The following FABP2 variants were observed in gnomAD, a reference collection of about 807,000 sequenced individuals.
FABP2 encodes fatty acid-binding protein, intestinal.
In FABP2, 11 loss-of-function variants were observed where a neutral mutation model predicts 16.1. The ratio of observed to expected loss-of-function variants is 0.68; its 90% confidence interval spans 0.43 to 1.13. The LOEUF (loss-of-function observed/expected upper bound fraction) is 1.13, where lower values mean the gene tolerates loss of function less well. FABP2 is among the 50% of genes most tolerant of loss of function. The probability of loss-of-function intolerance (pLI) is 0.00; values close to 1 mark genes in which losing one functional copy is unlikely to be tolerated. For missense variants in FABP2, 146 were observed against 155.1 expected (o/e 0.94, Z 0.31); for synonymous variants, 45 against 50.9 (o/e 0.88, Z 0.49).
Position 119,318,223 on chromosome 4 carries a change from A to C in FABP2, c.*818T>G, listed in dbSNP as rs1755610947. ...GCCCCCAGGGAAGAGAGCTGAGAGG[A>C]TATCTATCAAAATCAGAATGGCAAT... On this transcript the variant is annotated 3_prime_UTR_variant, in exon 4 of 4. Coordinates refer to ENST00000274024, the MANE Select transcript of FABP2 (RefSeq NM_000134.4). The C allele has an allele frequency of 6.6e-6, 1 of 152,120 alleles. No individual in the cohort carries two copies. The highest frequency in any genetic ancestry group is 6.6e-5 in the Admixed American group (1 of 15,262). The allele number at this position is 152,120 out of a possible 1,614,324, so 9.4% of individuals were successfully genotyped here. A position where few individuals can be genotyped will look rare whatever the true frequency, so the allele number is the denominator to read the frequency against.
rs756398299 is a variant in FABP2, at chr4:119,320,779, T to A, written c.131A>T (p.Glu44Val). The A allele has an allele frequency of 1.9e-6, 3 of 1,605,814 alleles. No individual in the cohort carries two copies. Among genetic ancestry groups the A allele is most frequent in the Non-Finnish European group, 2.5e-6 (3 of 1,177,260 alleles). The change falls in exon 2 of 4, where the codon GAA becomes GTA. Residue 44 changes from glutamate (E) to valine (V), a missense_variant. By Grantham distance (121) the Glu-to-Val change is moderately radical (BLOSUM62 -2). Transcript: ENST00000274024. The part of the protein sequence containing the change: ...HDNLKLTITQ[E>V]GNKFTVKESS... ...TTCTTTGACTGTGAATTTATTTCCT[T>A]CTTGTGTAATTGTCAGCTTCAAATT... is the stretch of plus-strand genomic sequence containing the variant.
At chr4:119,321,720 C>T (rs1285970032) in intron 1 of FABP2, among the ~76,000 whole-genome samples, 1 of 152,108 alleles carries the variant, frequency 6.6e-6, no homozygotes, top group Non-Finnish European at 1.5e-5. Context: ...TATCATTACA[C>T]GCTGCCATTT....
chr4:119,321,910 T>G, intron 1 of FABP2, 126 bp downstream of exon 1: 1 of 691,178 alleles, frequency 1.4e-6, no homozygotes, highest in Non-Finnish European at 2.5e-6. Flanking sequence ...GAACATCTTC[T>G]GGATCCTCTC....
rs572213654 is a variant in FABP2, at chr4:119,318,785, T to C, written c.*256A>G. 2 of 358,388 alleles carry C rather than the reference T, an allele frequency of 5.6e-6. No homozygotes were observed. The highest frequency in any genetic ancestry group is 4.8e-5 in the South Asian group (1 of 21,008). 22.2% of individuals were successfully genotyped at this position (358,388 alleles called of 1,614,324 possible). A position where few individuals can be genotyped will look rare whatever the true frequency, so the allele number is the denominator to read the frequency against. On this transcript the variant is annotated 3_prime_UTR_variant, in exon 4 of 4. Coordinates refer to ENST00000274024, the MANE Select transcript of FABP2 (RefSeq NM_000134.4). The stretch of plus-strand genomic sequence containing the variant: ...AGGCAAGGCTACATATAAAGCAACA[T>C]GGACGCAATATTTATTTTTGTTTTT...
chr4:119,318,952 T>C lies in FABP2; in HGVS notation c.*89A>G. On this transcript the variant is annotated 3_prime_UTR_variant, in exon 4 of 4. Transcript: ENST00000274024. ...TAAAAGGACCAATCAATCAGTAACC[T>C]TATACTTGATGGGGTGAAATAAATA... 2 of 1,042,010 alleles carry C rather than the reference T, an allele frequency of 1.9e-6. No individual in the cohort carries two copies. The highest frequency in any genetic ancestry group is 1.4e-6 in the Non-Finnish European group (1 of 697,990). 64.5% of individuals were successfully genotyped at this position (1,042,010 alleles called of 1,614,324 possible).
At chr4:119,320,508 G>A (rs1755648251) in intron 2 of FABP2, among the ~76,000 whole-genome samples, 162 bp downstream of exon 2, 1 of 151,940 alleles carries the variant, frequency 6.6e-6, no homozygotes, top group African/African-American at 2.4e-5. Flanking sequence ...TAAATATCCT[G>A]CCAATTTGTG....
chr4:119,322,073 G>T lies in FABP2; in HGVS notation c.30C>A (p.Asp10Glu). The change falls in exon 1 of 4, where the codon GAC (aspartate) becomes GAA (glutamate). Residue 10 changes from aspartate (D) to glutamate (E), a missense_variant. Physicochemically the swap from Asp to Glu is conservative, Grantham distance 45 (BLOSUM62 2). Coordinates refer to ENST00000274024, the MANE Select transcript of FABP2 (RefSeq NM_000134.4). Reference sequence around the variant, plus strand: ...TGAACTTGTCATAGTTTTCACTCCGGTCTACCTTCCAAGTGCTGTCAAACG... The same window carrying T: ...TGAACTTGTCATAGTTTTCACTCCGTTCTACCTTCCAAGTGCTGTCAAACG... MAFDSTWKV[D>E]RSENYDKFME... The T allele has an allele frequency of 6.2e-7, 1 of 1,613,292 alleles. No individual in the cohort carries two copies. Among genetic ancestry groups the T allele is most frequent in the Non-Finnish European group, 8.5e-7 (1 of 1,179,624 alleles).
In FABP2 at chr4:119,320,734, A is replaced by G. The variant is rs376304732; in HGVS notation, c.176T>C (p.Ile59Thr). ...GACACCAAGTTCAAAAACAACTTCA[A>G]TGTTTCGAAAAGTGCTTGATTCTTT... ...TVKESSTFRN[I>T]EVVFELGVTF... Residue 59 changes from isoleucine to threonine, a missense_variant, in exon 2 of 4, where the codon ATT becomes ACT. Transcript: ENST00000274024. 49 of 1,605,696 alleles carry G rather than the reference A, an allele frequency of 3.1e-5. No individual in the cohort carries two copies. The highest frequency in any genetic ancestry group is 1.1e-4 in the East Asian group (5 of 44,382).
Position 119,320,823 on chromosome 4 carries a change from C to T in FABP2, c.87G>A (p.Arg29=). ...TCAAATTGTCATGAGCTGCAAGCTT[C>T]CTTTTCACTATATTAACACCTGTAA... The part of the protein sequence containing the change: ...MEKMGVNIVK[R]KLAAHDNLKL... The change falls in exon 2 of 4, where the codon AGG becomes AGA. Residue 29 remains arginine, a synonymous_variant. Coordinates refer to ENST00000274024, the MANE Select transcript of FABP2 (RefSeq NM_000134.4). 1 of 1,593,602 alleles carries T rather than the reference C, an allele frequency of 6.3e-7. No homozygotes were observed. The highest frequency in any genetic ancestry group is 1.4e-5 in the African/African-American group (1 of 73,246).
chr4:119,318,004 G>A lies in FABP2; in HGVS notation c.*1037C>T, dbSNP rs1488856918. ...TTCTAGAATTCTTGGTTCTATTAGC[G>A]ATTCTGATATAATAGAATAACAGTG... On this transcript the variant is annotated 3_prime_UTR_variant, in exon 4 of 4. Transcript: ENST00000274024. 4 of 152,044 alleles carry A rather than the reference G, an allele frequency of 2.6e-5. No homozygotes were observed. Among genetic ancestry groups the A allele is most frequent in the Admixed American group, 6.6e-5 (1 of 15,242 alleles). The allele number at this position is 152,044 out of a possible 1,614,324, so 9.4% of individuals were successfully genotyped here. A position where few individuals can be genotyped will look rare whatever the true frequency, so the allele number is the denominator to read the frequency against.
chr4:119,320,753 A>G lies in FABP2; in HGVS notation c.157T>C (p.Ser53Pro). Residue 53 changes from serine (S) to proline (P), a missense_variant, in exon 2 of 4, where the codon TCA becomes CCA. Physicochemically the swap from Ser to Pro is moderately conservative, Grantham distance 74. Transcript: ENST00000274024. ...ACTTCAATGTTTCGAAAAGTGCTTG[A>G]TTCTTTGACTGTGAATTTATTTCCT... The part of the protein sequence containing the change: ...QEGNKFTVKE[S>P]STFRNIEVVF... 1 of 1,606,280 alleles carries G rather than the reference A, an allele frequency of 6.2e-7. No homozygotes were observed. The highest frequency in any genetic ancestry group is 8.5e-7 in the Non-Finnish European group (1 of 1,177,350).
intron 1 of FABP2, 112 bp downstream of exon 1, chr4:119,321,924 C>A: frequency 1.3e-6 from 1 of 792,608 alleles, no homozygotes; most frequent in South Asian, 1.8e-5. Context: ...TCCTCTCTAC[C>A]ACATCAGGAG....
rs975812090 is a variant in FABP2 at position 119,317,298 on chromosome 4, T to C, written c.*1743A>G. 1.3e-5 allele frequency: 2 copies of C among 152,238 alleles called. No individual in the cohort carries two copies. Among genetic ancestry groups the C allele is most frequent in the Admixed American group, 1.3e-4 (2 of 15,274 alleles). The allele number at this position is 152,238 out of a possible 1,614,324, so 9.4% of individuals were successfully genotyped here. ...AATTTAAGGAGTACAAGTATAGTTT[T>C]GTTACATTGATATATTGCATAGTGG... On this transcript the variant is annotated 3_prime_UTR_variant, in exon 4 of 4. Coordinates refer to ENST00000274024, the MANE Select transcript of FABP2 (RefSeq NM_000134.4).
intron 3 of FABP2, 132 bp from the exon 4 acceptor site, chr4:119,319,223 G>A: frequency 5.1e-6 from 2 of 391,124 alleles, no homozygotes; most frequent in Non-Finnish European, 8.7e-6. Flanking sequence ...TATTATATGA[G>A]TATGAGTTTA....
In FABP2 at chr4:119,320,786, T is replaced by A. The variant is rs1196338331; in HGVS notation, c.124A>T (p.Thr42Ser). ...ACTGTGAATTTATTTCCTTCTTGTGTAATTGTCAGCTTCAAATTGTCATGA... is the reference window on the plus strand; with the variant it reads ...ACTGTGAATTTATTTCCTTCTTGTGAAATTGTCAGCTTCAAATTGTCATGA... ...AAHDNLKLTITQEGNKFTVKE... is the reference protein window; with the variant it reads ...AAHDNLKLTISQEGNKFTVKE... The change falls in exon 2 of 4, where the codon ACA (threonine) becomes TCA (serine). Residue 42 changes from threonine to serine, a missense_variant. Coordinates refer to ENST00000274024, the MANE Select transcript of FABP2 (RefSeq NM_000134.4). 3.7e-6 allele frequency: 6 copies of A among 1,604,880 alleles called. No individual in the cohort carries two copies. Among genetic ancestry groups the A allele is most frequent in the Non-Finnish European group, 5.1e-6 (6 of 1,176,970 alleles).
rs764752804 is a variant in FABP2 at position 119,319,023 on chromosome 4, G to A, written c.*18C>T. Reference sequence around the variant, plus strand: ...TTCTGTCCAATTTGTATTTTGGACTGTGCGCCAAGAATAATGCTCAATCCT... The same window carrying A: ...TTCTGTCCAATTTGTATTTTGGACTATGCGCCAAGAATAATGCTCAATCCT... On this transcript the variant is annotated 3_prime_UTR_variant, in exon 4 of 4. Coordinates refer to ENST00000274024, the MANE Select transcript of FABP2 (RefSeq NM_000134.4). 3.1e-6 allele frequency: 5 copies of A among 1,588,572 alleles called. No individual in the cohort carries two copies. The highest frequency in any genetic ancestry group is 1.1e-5 in the South Asian group (1 of 88,208).
In FABP2 at chr4:119,318,863, A is replaced by G. The variant is rs941947286; in HGVS notation, c.*178T>C. On this transcript the variant is annotated 3_prime_UTR_variant, in exon 4 of 4. Coordinates refer to ENST00000274024, the MANE Select transcript of FABP2 (RefSeq NM_000134.4). ...TATATATCTTAGAGAATATAAAACA[A>G]ATTAAATCCTAATTAGCTTTTACTT... 3 of 467,338 alleles carry G rather than the reference A, an allele frequency of 6.4e-6. No homozygotes were observed. Among genetic ancestry groups the G allele is most frequent in the African/African-American group, 6.2e-5 (3 of 48,574 alleles). The allele number at this position is 467,338 out of a possible 1,614,324, so 28.9% of individuals were successfully genotyped here.
At chr4:119,320,149 G>A (rs1755642437) in intron 2 of FABP2, among the ~76,000 whole-genome samples, 1 of 151,978 alleles carries the variant, frequency 6.6e-6, no homozygotes, top group South Asian at 2.1e-4. Flanking sequence ...AAATGTTGAG[G>A]CTAAAAAAAG....
In FABP2 at chr4:119,320,650, A is replaced by AT; in HGVS notation, c.240+19dup. On this transcript the variant is annotated intron_variant, in intron 2 of 3. Transcript: ENST00000274024. The stretch of plus-strand genomic sequence containing the variant: ...TAGAAAAATCAAGAATGCATTGCTC[A>AT]TAAAAAAAAAAATTCTTACCCTGAG... 2 of 1,538,380 alleles carry AT rather than the reference A, an allele frequency of 1.3e-6. No homozygotes were observed. The highest frequency in any genetic ancestry group is 1.7e-6 in the Non-Finnish European group (2 of 1,148,480).
Sources: gnomAD v4.1 joint callset for allele counts (sites outside exome capture counted in the v4.1 genomes callset) on GRCh38, gnomAD v4.1.1 for gene constraint, MANE v1.5 for transcripts, NCBI Gene and HGNC (gene_info 2026-07-23, HGNC 2026-07-21) for gene names.